The following RRM2 variants were observed in gnomAD, a reference collection of about 807,000 sequenced individuals.
RRM2 encodes the protein ribonucleoside-diphosphate reductase subunit M2.
A neutral mutation model predicts 45.9 loss-of-function variants in RRM2; 6 were observed. That is an observed-to-expected ratio of 0.13 (90% CI 0.07 to 0.26). RRM2 has a LOEUF of 0.26. Among genes scored for constraint, RRM2 ranks in the 10% least tolerant of loss-of-function variants. RRM2 has a pLI of 1.00. For synonymous variants in RRM2, 177 were observed against 173.0 expected (o/e 1.02, Z -0.18); for missense variants, 343 against 489.5 (o/e 0.70, Z 2.82).
At chr2:10,146,319 A>G (rs1463983601) in intron 3 of RRM2, among the ~76,000 whole-genome samples, 1 of 152,180 alleles carries the variant, frequency 6.6e-6, no homozygotes, top group Non-Finnish European at 1.5e-5. Context: ...TTGGAACCAG[A>G]TGACCAATGT....
chr2:10,210,060 C>T (rs995892135), intron 3 of RRM2, among the ~76,000 whole-genome samples: 1 of 152,188 alleles, frequency 6.6e-6, no homozygotes, highest in African/African-American at 2.4e-5. Context: ...CAATGCCCTC[C>T]CTCGGGTGAA....
downstream of RRM2, chr2:10,131,565 C>A (rs1430979379): frequency 6.6e-6 from 1 of 152,040 alleles, no homozygotes; most frequent in Admixed American, 6.6e-5. Context: ...ATGGTGACAC[C>A]CCATCTCTAC....
At chr2:10,175,335 G>C (rs1235847924) in intron 3 of RRM2, among the ~76,000 whole-genome samples, 2 of 152,198 alleles carry the variant, frequency 1.3e-5, no homozygotes, top group African/African-American at 4.8e-5. Context: ...TGTGGTCTTT[G>C]TGTCTGGCTG....
chr2:10,166,660 G>A (rs1663689393), intron 3 of RRM2, among the ~76,000 whole-genome samples: 1 of 152,248 alleles, frequency 6.6e-6, no homozygotes. Flanking sequence ...CAGAGGCAGG[G>A]ATCAAGGCTC....
At chr2:10,156,951 C>A (rs1004255838) in intron 3 of RRM2, among the ~76,000 whole-genome samples, 5 of 148,020 alleles carry the variant, frequency 3.4e-5, no homozygotes, top group East Asian at 2.0e-4. Context: ...GCCAGAGGAA[C>A]GTTTCAGATG....
intron 3 of RRM2, chr2:10,192,528 A>G (rs1453290211): frequency 6.5e-6 from 1 of 154,544 alleles, no homozygotes; most frequent in African/African-American, 2.4e-5. Flanking sequence ...AGGGTTTTCA[A>G]TCCCCTGGTG....
At chr2:10,133,043 C>A (rs1489558697), downstream of RRM2, among the ~76,000 whole-genome samples, 1 of 152,168 alleles carries the variant, frequency 6.6e-6, no homozygotes, top group African/African-American at 2.4e-5. Flanking sequence ...AACCAGGGAC[C>A]CTGTAATCTT....
chr2:10,147,142 G>A (rs13010608), intron 3 of RRM2, among the ~76,000 whole-genome samples: 95,011 of 151,856 alleles, frequency 0.63, 30,236 homozygotes, highest in African/African-American at 0.69. Flanking sequence ...TAGTAGACAT[G>A]GGGTTTCACC....
intron 3 of RRM2, among the ~76,000 whole-genome samples, chr2:10,149,631 G>T (rs139569923): frequency 1.7e-3 from 256 of 152,150 alleles, no homozygotes; most frequent in African/African-American, 5.8e-3. Context: ...TCATCTTTGG[G>T]CAAGGTAAGT....
In RRM2 at chr2:10,204,137, T is replaced by C. The variant is rs946845610; in HGVS notation, n.483-6174T>C. Among the ~76,000 whole-genome samples, 4 of 151,982 alleles carry C rather than the reference T, an allele frequency of 2.6e-5. No individual in the cohort carries two copies. Among genetic ancestry groups the C allele is most frequent in the East Asian group, 3.9e-4 (2 of 5,144 alleles). Reference sequence around the variant, plus strand: ...GTTGCTTGCATCCCAACTACCATCATTGGGACAGAGCCCCTGTGCTTGAGA... The same window carrying C: ...GTTGCTTGCATCCCAACTACCATCACTGGGACAGAGCCCCTGTGCTTGAGA... On this transcript the variant is annotated intron_variant and non_coding_transcript_variant, in intron 3 of 3. Coordinates refer to the RRM2 transcript ENST00000381786. The surrounding 1 kb of genome is among the most constrained non-coding windows in gnomAD (Gnocchi z 4.0).
chr2:10,188,817 G>T (rs994855519), intron 3 of RRM2, among the ~76,000 whole-genome samples: 1 of 152,204 alleles, frequency 6.6e-6, no homozygotes, highest in Admixed American at 6.5e-5. Context: ...GGAAGAGGGC[G>T]CTGCGGAGAG....
At position 10,163,279 on chromosome 2, in the gene RRM2, G is replaced by A. The variant is rs1056647426; in HGVS notation, n.482+20904G>A. Among the ~76,000 whole-genome samples the A allele has an allele frequency of 4.7e-5, 7 of 149,408 alleles. No homozygotes were observed. The Admixed American group carries it at 4.7e-4, about 10-fold the overall frequency. On this transcript the variant is annotated intron_variant and non_coding_transcript_variant, in intron 3 of 3. Transcript: ENST00000381786. Reference sequence around the variant, plus strand: ...AGCGCTTGATGGTGAATGTCAGCCTGTTCCTGGGAGAACCAAAGGGCAGAG... The same window carrying A: ...AGCGCTTGATGGTGAATGTCAGCCTATTCCTGGGAGAACCAAAGGGCAGAG...
downstream of RRM2, among the ~76,000 whole-genome samples, chr2:10,135,037 ATATCT>A (rs1165954047): frequency 6.6e-6 from 1 of 152,266 alleles, no homozygotes; most frequent in African/African-American, 2.4e-5. Flanking sequence ...TTATGAAATC[ATATCT>A]TCAATGCTGA....
Position 10,124,984 on chromosome 2 carries a change from G to C in RRM2, c.569+134G>C. On this transcript the variant is annotated intron_variant, in intron 5 of 9. Transcript: ENST00000304567. ...GTCATAGGCATTCCCAGCACCCGTG[G>C]TCATGTCTGCTCTTAGCAAGGGGCC... 6.6e-6 allele frequency: 5 copies of C among 760,210 alleles called. No individual in the cohort carries two copies. The South Asian group carries it at 9.6e-5, about 15-fold the overall frequency. The allele number at this position is 760,210 out of a possible 1,614,324, so 47.1% of individuals were successfully genotyped here. A position where few individuals can be genotyped will look rare whatever the true frequency, so the allele number is the denominator to read the frequency against.
rs1003390781 is a variant in RRM2 at position 10,204,615 on chromosome 2, C to T, written n.483-5696C>T. On this transcript the variant is annotated intron_variant and non_coding_transcript_variant, in intron 3 of 3. Transcript: ENST00000381786. The surrounding 1 kb of genome is among the most constrained non-coding windows in gnomAD (Gnocchi z 4.0). ...AGAGGAGCAGCTAGCTGGGAGCATC[C>T]GAGGCCATTAGGGACAGGACGCTAA... 3.9e-5 allele frequency among the ~76,000 whole-genome samples: 6 copies of T among 152,162 alleles called. No homozygotes were observed. The highest frequency in any genetic ancestry group is 2.1e-4 in the South Asian group (1 of 4,828).
In RRM2 at chr2:10,123,461, C is replaced by A. The variant is rs1234679325; in HGVS notation, c.249C>A (p.Phe83Leu). Reference sequence around the variant, plus strand: ...AAAACCCCCGCCGCTTTGTCATCTTCCCCATCGAGTACCATGATATCTGGC... The same window carrying A: ...AAAACCCCCGCCGCTTTGTCATCTTACCCATCGAGTACCATGATATCTGGC... ...LRENPRRFVIFPIEYHDIWQM... is the reference protein window; with the variant it reads ...LRENPRRFVILPIEYHDIWQM... The change falls in exon 3 of 10, where the codon TTC (phenylalanine) becomes TTA (leucine). Residue 83 changes from phenylalanine to leucine, a missense_variant. Around this residue, in one of 2 missense-constraint regions of RRM2, gnomAD observed 131 missense variants for 121.4 expected, o/e 1.08. Transcript: ENST00000304567. The A allele has an allele frequency of 6.2e-7, 1 of 1,614,176 alleles. No individual in the cohort carries two copies. Among genetic ancestry groups the A allele is most frequent in the Non-Finnish European group, 8.5e-7 (1 of 1,180,022 alleles).
At chr2:10,206,531 A>C (rs1297812907) in intron 3 of RRM2, among the ~76,000 whole-genome samples, 1 of 152,186 alleles carries the variant, frequency 6.6e-6, no homozygotes, top group Non-Finnish European at 1.5e-5. Flanking sequence ...AAAACACAAA[A>C]GAGAGGCAAA....
chr2:10,202,774 A>C (rs1382924420), intron 3 of RRM2, among the ~76,000 whole-genome samples: 1 of 152,062 alleles, frequency 6.6e-6, no homozygotes, highest in East Asian at 1.9e-4. Flanking sequence ...AATCAAGAGG[A>C]ACTTAAAATG....
chr2:10,122,735 G>A, upstream of RRM2: 4 of 1,552,570 alleles, frequency 2.6e-6, no homozygotes, highest in Non-Finnish European at 3.5e-6. Flanking sequence ...GTGAGGGGTC[G>A]CCCGTGCACC....
Sources: gnomAD v4.1 joint callset for allele counts (sites outside exome capture counted in the v4.1 genomes callset) on GRCh38, gnomAD v4.1.1 for gene constraint, gnomAD v4.1.1 regional missense constraint, Gnocchi (gnomAD v3.1) non-coding constraint, MANE v1.5 for transcripts, NCBI Gene and HGNC (gene_info 2026-07-23, HGNC 2026-07-21) for gene names.